The following GPC6 variants were observed in gnomAD, a reference collection of about 807,000 sequenced individuals.
GPC6 encodes glypican 6.
A neutral mutation model predicts 55.2 loss-of-function variants in GPC6; 14 were observed. The ratio of observed to expected loss-of-function variants is 0.25; its 90% CI spans 0.17 to 0.40. The LOEUF (loss-of-function observed/expected upper bound fraction) is 0.40, where lower values mean the gene tolerates loss of function less well. GPC6 is among the 10% of genes least tolerant of loss of function. The probability of loss-of-function intolerance (pLI) is 1.00; values close to 1 mark genes in which losing one functional copy is unlikely to be tolerated. For synonymous variants in GPC6, 278 were observed against 259.6 expected (o/e 1.07, Z -0.68); for missense variants, 641 against 708.5 (o/e 0.90, Z 1.08).
chr13:93,743,541 T>C (rs1356837265), intron 2 of GPC6, among the ~76,000 whole-genome samples: 1 of 152,100 alleles, frequency 6.6e-6, no homozygotes, highest in Non-Finnish European at 1.5e-5. Context: ...TCCAATTTTC[T>C]TTGTTTATAG....
intron 4 of GPC6, among the ~76,000 whole-genome samples, chr13:94,042,287 G>A (rs560562879): frequency 6.5e-4 from 99 of 151,872 alleles, no homozygotes; most frequent in Non-Finnish European, 1.1e-3. Flanking sequence ...TGTACACCCT[G>A]CAGAACTGTG....
At chr13:93,431,012 C>T (rs1293934414) in intron 1 of GPC6, among the ~76,000 whole-genome samples, 1 of 151,852 alleles carries the variant, frequency 6.6e-6, no homozygotes. Context: ...AAAGATTCTA[C>T]CATTACGTGT....
chr13:93,976,552 G>T (rs748476600), intron 3 of GPC6, among the ~76,000 whole-genome samples: 1 of 151,244 alleles, frequency 6.6e-6, no homozygotes, highest in South Asian at 2.1e-4. Context: ...TTACAGCTGC[G>T]GTCTGAAGAA....
chr13:93,473,601 A>G (rs1033016939), intron 1 of GPC6, among the ~76,000 whole-genome samples: 2 of 152,184 alleles, frequency 1.3e-5, no homozygotes, highest in African/African-American at 4.8e-5. Context: ...TAGAGCATAC[A>G]GGCAGCACCA....
intron 3 of GPC6, among the ~76,000 whole-genome samples, chr13:93,877,112 G>A (rs1307232048): frequency 6.6e-6 from 1 of 152,020 alleles, no homozygotes; most frequent in Admixed American, 6.6e-5. Flanking sequence ...CTAAGCAGTA[G>A]AAATATATCA....
At chr13:94,131,524 A>T (rs1235461190) in intron 4 of GPC6, among the ~76,000 whole-genome samples, 2 of 152,208 alleles carry the variant, frequency 1.3e-5, no homozygotes, top group Non-Finnish European at 2.9e-5. Context: ...TTAATTTGAG[A>T]AATGATGGTC....
intron 1 of GPC6, among the ~76,000 whole-genome samples, chr13:93,479,422 A>G (rs541887739): frequency 6.6e-6 from 1 of 152,302 alleles, no homozygotes; most frequent in Admixed American, 6.5e-5. Context: ...GTATGTAGCT[A>G]CAGAGGACAC....
chr13:93,937,021 C>T (rs746079172), intron 3 of GPC6, among the ~76,000 whole-genome samples: 3 of 152,098 alleles, frequency 2.0e-5, no homozygotes, highest in Non-Finnish European at 4.4e-5. Flanking sequence ...AAAGAATGGG[C>T]AATAAGGTAG....
chr13:93,363,117 G>GTTTTTTTTTTTTTTTT (rs199840187), intron 1 of GPC6, among the ~76,000 whole-genome samples: 2 of 126,012 alleles, frequency 1.6e-5, no homozygotes, highest in Non-Finnish European at 3.3e-5. Flanking sequence ...CTTTTTTTTT[G>GTTTTTTTTTTTTTTTT]TTTTTTTTTT....
At chr13:94,382,271 G>A in intron 6 of GPC6, 143 bp from the exon 7 acceptor site, 1 of 825,528 alleles carries the variant, frequency 1.2e-6, no homozygotes, top group Non-Finnish European at 2.0e-6. Context: ...ACCCTGCAGT[G>A]CAGTGTCTCT....
intron 1 of GPC6, among the ~76,000 whole-genome samples, chr13:93,285,757 A>G (rs1328643843): frequency 6.6e-6 from 1 of 151,956 alleles, no homozygotes; most frequent in Non-Finnish European, 1.5e-5. Context: ...AGCTTTTTCT[A>G]AGTCATGTCA....
In GPC6 at chr13:93,818,589, G is replaced by T. The variant is rs561374240; in HGVS notation, c.320-11565G>T. 2.6e-5 allele frequency: 4 copies of T among 152,320 alleles called. No homozygotes were observed. The South Asian group carries it at 8.3e-4, about 32-fold the overall frequency. The allele number at this position is 152,320 out of a possible 1,614,324, so 9.4% of individuals were successfully genotyped here. The stretch of plus-strand genomic sequence containing the variant: ...TCCCGCATCGTGGGACAAGCCCATT[G>T]TCCTGTAATTGATGTAAGCAGAGGG... On this transcript the variant is annotated intron_variant, in intron 2 of 8. Transcript: ENST00000377047.
intron 4 of GPC6, among the ~76,000 whole-genome samples, chr13:94,225,638 G>T (rs1236520691): frequency 6.9e-6 from 1 of 144,528 alleles, no homozygotes; most frequent in Non-Finnish European, 1.5e-5. Context: ...TATATGTAAG[G>T]TATATATATA....
intron 1 of GPC6, among the ~76,000 whole-genome samples, chr13:93,316,238 C>T (rs138082575): frequency 6.9e-4 from 105 of 151,952 alleles, no homozygotes; most frequent in Non-Finnish European, 1.3e-3. Context: ...TTATTCATGC[C>T]CTAGACTATT....
Position 93,941,893 on chromosome 13 carries a change from G to A in GPC6, c.712-85836G>A, listed in dbSNP as rs564969421. On this transcript the variant is annotated intron_variant, in intron 3 of 8. Transcript: ENST00000377047. ...TTTAAATTGGTCTTTTAAAATATAC[G>A]TAACTTTCCTATGGTGCAAAACGAG... Among the ~76,000 whole-genome samples, 18 of 152,236 alleles carry A rather than the reference G, an allele frequency of 1.2e-4. No homozygotes were observed. In the East Asian group the frequency reaches 2.3e-3, roughly 20 times the overall value.
chr13:93,300,267 T>C (rs577478050), intron 1 of GPC6, among the ~76,000 whole-genome samples: 40 of 152,334 alleles, frequency 2.6e-4, no homozygotes, highest in African/African-American at 9.6e-4. Flanking sequence ...GATTTCTGTT[T>C]CTTTGCACTA....
At chr13:94,012,211 C>T (rs902381258) in intron 3 of GPC6, among the ~76,000 whole-genome samples, 18 of 152,202 alleles carry the variant, frequency 1.2e-4, no homozygotes, top group Non-Finnish European at 2.5e-4. Context: ...CAACTGATTA[C>T]AGCATTACCA....
At chr13:93,761,463 CT>C (rs1291552524) in intron 2 of GPC6, among the ~76,000 whole-genome samples, 1 of 152,210 alleles carries the variant, frequency 6.6e-6, no homozygotes, top group Non-Finnish European at 1.5e-5. Context: ...TACCCCACCC[CT>C]ATCTCCTGCT....
At chr13:93,345,401 G>A (rs1177696771) in intron 1 of GPC6, among the ~76,000 whole-genome samples, 1 of 151,870 alleles carries the variant, frequency 6.6e-6, no homozygotes, top group Admixed American at 6.6e-5. Flanking sequence ...TGTTGCTATT[G>A]TAGTATTATA....
Sources: gnomAD v4.1 joint callset for allele counts (sites outside exome capture counted in the v4.1 genomes callset) on GRCh38, gnomAD v4.1.1 for gene constraint, MANE v1.5 for transcripts, NCBI Gene and HGNC (gene_info 2026-07-23, HGNC 2026-07-21) for gene names.